VSNL1: variants seen among roughly 807,000 people sequenced by gnomAD.
The protein encoded by VSNL1 is visinin-like protein 1.
VSNL1 carries 6 observed loss-of-function variants against 20.4 expected under a neutral mutation model. The observed-to-expected ratio is 0.29, with a 90% CI of 0.16 to 0.58. The LOEUF (loss-of-function observed/expected upper bound fraction) is 0.58, where lower values mean the gene tolerates loss of function less well. Ranked by LOEUF, VSNL1 falls within the 20% of genes least tolerant of loss-of-function variation. The pLI is 0.90. For missense variants in VSNL1, 100 were observed against 234.5 expected, an observed-to-expected ratio of 0.43 and a Z score of 3.75; for synonymous variants, 93 against 86.4, an observed-to-expected ratio of 1.08 and a Z score of -0.42.
At position 17,655,498 on chromosome 2, in the gene VSNL1, CACAA is replaced by C; in HGVS notation, c.*106_*109del. Reference sequence around the variant, plus strand: ...ACACACACACACACACACACACACACACAAATATTGCTTGGACTACCTATAAATG... The same window carrying C: ...ACACACACACACACACACACACACACATATTGCTTGGACTACCTATAAATG... On this transcript the variant is annotated 3_prime_UTR_variant, in exon 4 of 4. Transcript: ENST00000295156. The surrounding 1 kb of genome is among the most constrained non-coding windows in gnomAD (Gnocchi z 5.2). The C allele has an allele frequency of 1.0e-6, 1 of 979,026 alleles. No individual in the cohort carries two copies. Among genetic ancestry groups the C allele is most frequent in the Non-Finnish European group, 1.4e-6 (1 of 694,858 alleles). The allele number at this position is 979,026 out of a possible 1,614,324, so 60.6% of individuals were successfully genotyped here. A position where few individuals can be genotyped will look rare whatever the true frequency, so the allele number is the denominator to read the frequency against.
intron 1 of VSNL1, among the ~76,000 whole-genome samples, chr2:17,552,429 C>A (rs922395925): frequency 6.7e-6 from 1 of 148,526 alleles, no homozygotes; most frequent in Non-Finnish European, 1.5e-5. Flanking sequence ...TACCAAACTA[C>A]AACCAATCTA....
intron 1 of VSNL1, among the ~76,000 whole-genome samples, chr2:17,545,243 CTTT>C (rs1663380236): frequency 6.6e-6 from 1 of 151,876 alleles, no homozygotes. Flanking sequence ...CTTTAAGTAT[CTTT>C]GTTAGTAACG....
intron 1 of VSNL1, among the ~76,000 whole-genome samples, chr2:17,587,348 A>AACAC (rs67537461): frequency 0.035 from 4,753 of 134,572 alleles, 94 homozygotes; most frequent in African/African-American, 0.061. Flanking sequence ...GGCTGAGGGC[A>AACAC]ACACACACAC....
intron 2 of VSNL1, among the ~76,000 whole-genome samples, chr2:17,636,108 T>A (rs73218852): frequency 0.013 from 1,925 of 152,178 alleles, 33 homozygotes; most frequent in African/African-American, 0.042. Context: ...GAAGCCAGTA[T>A]AATTACCATA....
chr2:17,645,817 G>T (rs1665979324), intron 2 of VSNL1, among the ~76,000 whole-genome samples: 1 of 150,590 alleles, frequency 6.6e-6, no homozygotes, highest in South Asian at 2.1e-4. Context: ...AGGTTGTTCG[G>T]TTCAGGGACA....
At chr2:17,559,221 C>T (rs776443181) in intron 1 of VSNL1, among the ~76,000 whole-genome samples, 2 of 152,098 alleles carry the variant, frequency 1.3e-5, no homozygotes, top group Non-Finnish European at 2.9e-5. Flanking sequence ...TGCCATTGGC[C>T]AGAATTTAGT....
chr2:17,603,085 A>G (rs1482134326), intron 2 of VSNL1, among the ~76,000 whole-genome samples: 1 of 152,246 alleles, frequency 6.6e-6, no homozygotes, highest in Non-Finnish European at 1.5e-5. Context: ...GAAGATTTCA[A>G]GACACCTTGA....
At chr2:17,651,526 G>T (rs2103432404) in intron 3 of VSNL1, among the ~76,000 whole-genome samples, 1 of 152,360 alleles carries the variant, frequency 6.6e-6, no homozygotes, top group South Asian at 2.1e-4. Context: ...TTGTGTCTGT[G>T]TTCAGACTTA....
chr2:17,547,992 T>C (rs923055211), intron 1 of VSNL1, among the ~76,000 whole-genome samples: 3 of 152,064 alleles, frequency 2.0e-5, no homozygotes, highest in Non-Finnish European at 4.4e-5. Flanking sequence ...TTTAATACTT[T>C]CCCAAAACAG....
chr2:17,651,178 C>G (rs1666114000), intron 3 of VSNL1, among the ~76,000 whole-genome samples: 1 of 152,198 alleles, frequency 6.6e-6, no homozygotes, highest in South Asian at 2.1e-4. Flanking sequence ...CTCTCCAAAA[C>G]TTTTCTCTCT....
At chr2:17,584,666 G>A (rs1294087150) in intron 1 of VSNL1, among the ~76,000 whole-genome samples, 1 of 152,076 alleles carries the variant, frequency 6.6e-6, no homozygotes, top group Non-Finnish European at 1.5e-5. Context: ...GAGCAGCTGG[G>A]GCAGGCCTAA....
At chr2:17,635,526 C>T (rs1558307637) in intron 2 of VSNL1, among the ~76,000 whole-genome samples, 1 of 152,144 alleles carries the variant, frequency 6.6e-6, no homozygotes, top group African/African-American at 2.4e-5. Context: ...TCTCATGTAG[C>T]GTCGAGGCAA....
intron 2 of VSNL1, among the ~76,000 whole-genome samples, chr2:17,629,645 C>A (rs1025809546): frequency 3.3e-5 from 5 of 152,240 alleles, no homozygotes; most frequent in Non-Finnish European, 7.3e-5. Context: ...AGCAATACCC[C>A]CTGCCATGCC....
At chr2:17,635,561 A>C (rs1004359564) in intron 2 of VSNL1, among the ~76,000 whole-genome samples, 16 of 152,180 alleles carry the variant, frequency 1.1e-4, no homozygotes, top group Non-Finnish European at 2.9e-5. Flanking sequence ...AGGATTCTGC[A>C]GTTGGATTTT....
chr2:17,641,613 A>G (rs1436181413), intron 2 of VSNL1, among the ~76,000 whole-genome samples: 2 of 152,352 alleles, frequency 1.3e-5, no homozygotes, highest in East Asian at 1.9e-4. Flanking sequence ...AGAAATAAAA[A>G]GAGACTTCAT....
chr2:17,615,438 C>T (rs892667055), intron 2 of VSNL1, among the ~76,000 whole-genome samples: 7 of 152,156 alleles, frequency 4.6e-5, no homozygotes, highest in Admixed American at 3.9e-4. Context: ...CAGGGCAGCT[C>T]CCATCACTAT....
intron 2 of VSNL1, among the ~76,000 whole-genome samples, chr2:17,624,378 C>T (rs1308256438): frequency 6.6e-6 from 1 of 152,142 alleles, no homozygotes; most frequent in Non-Finnish European, 1.5e-5. Context: ...AAAAATGTGT[C>T]CCCCCTTCAC....
chr2:17,574,815 G>A (rs536457109), intron 1 of VSNL1, among the ~76,000 whole-genome samples: 1 of 152,274 alleles, frequency 6.6e-6, no homozygotes, highest in South Asian at 2.1e-4. Flanking sequence ...CCCCCAGCCT[G>A]GAGTGTAGTG....
intron 1 of VSNL1, among the ~76,000 whole-genome samples, chr2:17,587,298 G>T (rs1192852485): frequency 1.3e-5 from 2 of 149,310 alleles, no homozygotes; most frequent in Non-Finnish European, 3.0e-5. Flanking sequence ...ACCCTGGTAT[G>T]TTCTGGAAGA....
Sources: allele counts gnomAD v4.1 joint callset (sites outside exome capture counted in the v4.1 genomes callset), GRCh38; gene constraint gnomAD v4.1.1; non-coding constraint Gnocchi (gnomAD v3.1); transcripts MANE v1.5; gene names NCBI Gene and HGNC (gene_info 2026-07-23, HGNC 2026-07-21).